The following AHNAK variants were observed in gnomAD, a reference collection of about 807,000 sequenced individuals.
AHNAK encodes AHNAK nucleoprotein, also known as neuroblast differentiation-associated protein AHNAK.
In AHNAK, 23 loss-of-function variants were observed where a neutral mutation model predicts 37.8. The ratio of observed to expected loss-of-function variants is 0.61; its 90% CI spans 0.44 to 0.86. The LOEUF is 0.86. Ranked by LOEUF, AHNAK falls within the 40% of genes least tolerant of loss-of-function variation. The pLI is 0.00. For missense variants in AHNAK, 7,411 were observed against 7,319.4 expected (o/e 1.01, Z -0.46); for synonymous variants, 2,481 against 2,636.3 (o/e 0.94, Z 1.80).
At chr11:62,545,878 G>A (rs1165529105) in intron 1 of AHNAK, 1 of 152,028 alleles carries the variant, frequency 6.6e-6, no homozygotes, top group Non-Finnish European at 1.5e-5. Context: ...CGGGGGGAAA[G>A]CGCCGCCTCC....
At chr11:62,511,019 C>T (rs118046187), downstream of AHNAK, among the ~76,000 whole-genome samples, 567 of 152,212 alleles carry the variant, frequency 3.7e-3, 3 homozygotes, top group Non-Finnish European at 6.8e-3. Context: ...TAAGGTGGCA[C>T]TCTGAAGCAG....
At chr11:62,435,460 G>C (rs576731100) in intron 5 of AHNAK, among the ~76,000 whole-genome samples, 1 of 151,988 alleles carries the variant, frequency 6.6e-6, no homozygotes, top group African/African-American at 2.4e-5. Context: ...GCCCAGGCTG[G>C]AATGCAGTGG....
At chr11:62,538,098 C>A (rs547540624) in intron 1 of AHNAK, among the ~76,000 whole-genome samples, 1 of 152,140 alleles carries the variant, frequency 6.6e-6, no homozygotes, top group Non-Finnish European at 1.5e-5. Context: ...CCCTCAGAGA[C>A]AGAGACTTGG....
chr11:62,452,109 G>T (rs1938552340), intron 5 of AHNAK, among the ~76,000 whole-genome samples: 1 of 152,120 alleles, frequency 6.6e-6, no homozygotes, highest in Non-Finnish European at 1.5e-5. Flanking sequence ...ACCGCACCCA[G>T]CCTGCAAACT....
Position 62,515,948 on chromosome 11 carries a change from C to T in AHNAK, c.*796G>A, listed in dbSNP as rs995990936. ...ATTTGCCTTGTACAGCATCAATTTT[C>T]TTACATTCTCAGTTAATTGGCCATT... On this transcript the variant is annotated 3_prime_UTR_variant, in exon 5 of 5. Transcript: ENST00000378024. 108 of 1,172,852 alleles carry T rather than the reference C, an allele frequency of 9.2e-5. No individual in the cohort carries two copies. Among genetic ancestry groups the T allele is most frequent in the Non-Finnish European group, 1.1e-4 (104 of 932,856 alleles). The allele number at this position is 1,172,852 out of a possible 1,614,324, so 72.7% of individuals were successfully genotyped here.
chr11:62,458,949 C>G (rs1436985238), intron 5 of AHNAK, among the ~76,000 whole-genome samples: 1 of 152,192 alleles, frequency 6.6e-6, no homozygotes, highest in Non-Finnish European at 1.5e-5. Flanking sequence ...ACTAAGAAAG[C>G]TGGCCAGGCC....
downstream of AHNAK, among the ~76,000 whole-genome samples, chr11:62,513,350 C>T (rs1234274461): frequency 6.6e-6 from 1 of 152,208 alleles, no homozygotes; most frequent in African/African-American, 2.4e-5. Context: ...GCATGGCCAA[C>T]ATGGCAAAAC....
In AHNAK at chr11:62,523,225, G is replaced by T; in HGVS notation, c.11192C>A (p.Pro3731His). Residue 3731 changes from proline (P) to histidine (H), a missense_variant, in exon 5 of 5, where the codon CCC (proline) becomes CAC (histidine). Physicochemically the swap from Pro to His is moderately conservative, Grantham distance 77. Coordinates refer to ENST00000378024, the MANE Select transcript of AHNAK (RefSeq NM_001620.3). ...GTGCATCTCTGGTATCTTAAATTTG[G>T]GTCCCTTGAATTTACCCTCTGAGCC... ...IEGSEGKFKG[P>H]KFKIPEMHLK... 2 of 1,613,448 alleles carry T rather than the reference G, an allele frequency of 1.2e-6. No homozygotes were observed. The highest frequency in any genetic ancestry group is 2.2e-5 in the South Asian group (2 of 91,044).
Position 62,536,023 on chromosome 11 carries a change from C to T in AHNAK, c.76G>A (p.Ala26Thr), listed in dbSNP as rs539541618. 6.2e-7 allele frequency: 1 copy of T among 1,612,470 alleles called. No homozygotes were observed. The highest frequency in any genetic ancestry group is 1.1e-5 in the South Asian group (1 of 90,902). ...QGSGSHGLTI[A>T]QRDDGVFVQE... ...ACAAAGACGCCGTCGTCCCTCTGGGCGATGGTCAGCCCGTGGGAGCCACTA... is the reference window on the plus strand; with the variant it reads ...ACAAAGACGCCGTCGTCCCTCTGGGTGATGGTCAGCCCGTGGGAGCCACTA... The change falls in exon 3 of 5, where the codon GCC (alanine) becomes ACC (threonine). Residue 26 changes from alanine to threonine, a missense_variant. Coordinates refer to ENST00000378024, the MANE Select transcript of AHNAK (RefSeq NM_001620.3).
chr11:62,543,985 C>T (rs899987175), intron 1 of AHNAK, among the ~76,000 whole-genome samples: 2 of 152,132 alleles, frequency 1.3e-5, no homozygotes, highest in African/African-American at 4.8e-5. Flanking sequence ...TGTCTGTCTC[C>T]AGGCAGTTCC....
chr11:62,545,064 T>C (rs1158322086), intron 1 of AHNAK, among the ~76,000 whole-genome samples: 11 of 152,144 alleles, frequency 7.2e-5, no homozygotes, highest in Admixed American at 1.3e-4. Context: ...CTCGGTCCCT[T>C]TTCCTCCGGA....
intron 5 of AHNAK, among the ~76,000 whole-genome samples, chr11:62,457,850 C>T (rs1938695404): frequency 6.6e-6 from 1 of 151,874 alleles, no homozygotes; most frequent in Admixed American, 6.6e-5. Context: ...CCACTTGGGT[C>T]CAATATACCC....
intron 4 of AHNAK, among the ~76,000 whole-genome samples, chr11:62,492,249 G>C (rs183037681): frequency 3.5e-4 from 53 of 152,302 alleles, no homozygotes; most frequent in South Asian, 6.2e-4. Flanking sequence ...GCACTCATCG[G>C]TTACTGCCCT....
chr11:62,467,090 G>A (rs1938927099), intron 5 of AHNAK, among the ~76,000 whole-genome samples: 1 of 151,928 alleles, frequency 6.6e-6, no homozygotes, highest in Non-Finnish European at 1.5e-5. Context: ...TGTAGTCCCA[G>A]CTACTTGAGG....
At position 62,516,786 on chromosome 11, in the gene AHNAK, C is replaced by G. The variant is rs1349098252; in HGVS notation, c.17631G>C (p.Gln5877His). 2 of 1,613,450 alleles carry G rather than the reference C, an allele frequency of 1.2e-6. No homozygotes were observed. Among genetic ancestry groups the G allele is most frequent in the Non-Finnish European group, 8.5e-7 (1 of 1,179,784 alleles). ...SNDSGNKVGI[Q>H]LPEVELSVST... ...AAACTGACAGCTCCACCTCGGGAAG[C>G]TGGATGCCAACCTTATTCCCACTGT... is the stretch of plus-strand genomic sequence containing the variant. The change falls in exon 5 of 5, where the codon CAG becomes CAC. Residue 5877 changes from glutamine to histidine, a missense_variant. Physicochemically the swap from Gln to His is conservative, Grantham distance 24. Transcript: ENST00000378024.
At chr11:62,473,880 G>A (rs1463926740) in intron 5 of AHNAK, among the ~76,000 whole-genome samples, 2 of 151,610 alleles carry the variant, frequency 1.3e-5, no homozygotes, top group Non-Finnish European at 2.9e-5. Context: ...TGTGCCTGTA[G>A]TCTCAGCTAC....
At chr11:62,543,216 C>A (rs1274008073) in intron 1 of AHNAK, among the ~76,000 whole-genome samples, 3 of 152,220 alleles carry the variant, frequency 2.0e-5, no homozygotes, top group African/African-American at 7.2e-5. Context: ...ACACAAACTG[C>A]GCGTGCGGAC....
intron 1 of AHNAK, among the ~76,000 whole-genome samples, chr11:62,540,521 G>C (rs191918167): frequency 6.6e-6 from 1 of 152,138 alleles, no homozygotes; most frequent in Non-Finnish European, 1.5e-5. Context: ...AGCAAGAAGC[G>C]GGACAGAGCT....
At chr11:62,534,677 T>C (rs1940884331) in intron 4 of AHNAK, among the ~76,000 whole-genome samples, 1 of 152,120 alleles carries the variant, frequency 6.6e-6, no homozygotes, top group South Asian at 2.1e-4. Context: ...GAGGTGGAGC[T>C]GGGCACCTGT....
Sources: gnomAD v4.1 joint callset for allele counts (sites outside exome capture counted in the v4.1 genomes callset) on GRCh38, gnomAD v4.1.1 for gene constraint, MANE v1.5 for transcripts, NCBI Gene and HGNC (gene_info 2026-07-23, HGNC 2026-07-21) for gene names.